CCDC149: variants seen among roughly 807,000 people sequenced by gnomAD.
CCDC149 encodes the protein coiled-coil domain-containing protein 149.
A neutral mutation model predicts 59.9 loss-of-function variants in CCDC149; 45 were observed. The ratio of observed to expected loss-of-function variants is 0.75; its 90% CI spans 0.59 to 0.96. The LOEUF (loss-of-function observed/expected upper bound fraction) is 0.96, where lower values mean the gene tolerates loss of function less well. CCDC149 is among the 40% of genes least tolerant of loss of function. The pLI, the probability that CCDC149 is intolerant of heterozygous loss-of-function variation, is 0.00. For synonymous variants in CCDC149, 245 were observed against 260.6 expected (o/e 0.94, Z 0.58); for missense variants, 584 against 664.7 (o/e 0.88, Z 1.33).
At chr4:24,857,497 G>A (rs1303481994) in intron 3 of CCDC149, among the ~76,000 whole-genome samples, 1 of 152,098 alleles carries the variant, frequency 6.6e-6, no homozygotes, top group African/African-American at 2.4e-5. Context: ...GCCTGGCCCT[G>A]GTCCTTGGGC....
intron 9 of CCDC149, among the ~76,000 whole-genome samples, chr4:24,825,229 A>T (rs1168521803): frequency 1.3e-5 from 2 of 152,198 alleles, no homozygotes; most frequent in Non-Finnish European, 2.9e-5. Context: ...GTCTGGTGGG[A>T]GACAGACCGA....
chr4:24,819,121 G>A (rs1457669702), intron 12 of CCDC149, among the ~76,000 whole-genome samples: 1 of 152,216 alleles, frequency 6.6e-6, no homozygotes, highest in Non-Finnish European at 1.5e-5. Context: ...ATCTGGTAAA[G>A]CAGGAGCTTT....
intron 4 of CCDC149, among the ~76,000 whole-genome samples, chr4:24,842,618 C>T (rs1038470890): frequency 3.9e-5 from 6 of 152,146 alleles, no homozygotes; most frequent in Admixed American, 6.6e-5. Flanking sequence ...GGGTGTGAGT[C>T]GTCAGCTTGC....
At chr4:24,958,238 G>C (rs927305689) in intron 1 of CCDC149, among the ~76,000 whole-genome samples, 3 of 152,182 alleles carry the variant, frequency 2.0e-5, no homozygotes, top group African/African-American at 7.2e-5. Flanking sequence ...ACCTTGAAGA[G>C]TCCAACTAGC....
downstream of CCDC149, among the ~76,000 whole-genome samples, chr4:24,803,765 C>T (rs1713991858): frequency 6.6e-6 from 1 of 152,186 alleles, no homozygotes; most frequent in Non-Finnish European, 1.5e-5. The surrounding 1 kb of genome is among the most constrained non-coding windows in gnomAD (Gnocchi z 4.3). Context: ...GAAAGTCAAA[C>T]TTTTCAATAT....
chr4:24,855,574 C>A (rs1234677053), intron 3 of CCDC149, among the ~76,000 whole-genome samples: 111 of 132,654 alleles, frequency 8.4e-4, no homozygotes, highest in Admixed American at 9.1e-4. Context: ...GACTCTGTCT[C>A]AAAAAAAAAA....
chr4:24,853,227 G>T, intron 3 of CCDC149, 48 bp from the exon 4 acceptor site: 1 of 1,371,778 alleles, frequency 7.3e-7, no homozygotes, highest in Non-Finnish European at 1.0e-6. Context: ...TGGAGGAGTG[G>T]ATGAATGCAG....
chr4:24,927,735 C>G (rs1249346378), intron 1 of CCDC149, among the ~76,000 whole-genome samples: 1 of 152,058 alleles, frequency 6.6e-6, no homozygotes, highest in Non-Finnish European at 1.5e-5. Flanking sequence ...CCTCCATCTC[C>G]AACATACACC....
intron 1 of CCDC149, among the ~76,000 whole-genome samples, chr4:24,979,615 A>T (rs1031713341): frequency 1.3e-5 from 2 of 152,212 alleles, no homozygotes; most frequent in Non-Finnish European, 2.9e-5. Context: ...CCTGGTTCCT[A>T]CAATTGAGCA....
intron 1 of CCDC149, among the ~76,000 whole-genome samples, chr4:24,882,364 A>G (rs1018854374): frequency 1.3e-5 from 2 of 152,254 alleles, no homozygotes; most frequent in African/African-American, 4.8e-5. Context: ...TTTGATCGCA[A>G]CAGGAGTTTT....
chr4:24,897,022 A>G (rs1720883529), intron 1 of CCDC149, among the ~76,000 whole-genome samples: 1 of 152,158 alleles, frequency 6.6e-6, no homozygotes, highest in Non-Finnish European at 1.5e-5. Flanking sequence ...CAGTTCCTTC[A>G]CTAGAGCAAC....
Position 24,837,363 on chromosome 4 carries a change from T to G in CCDC149, c.527A>C (p.Asp176Ala). The G allele has an allele frequency of 6.2e-7, 1 of 1,614,146 alleles. No homozygotes were observed. Among genetic ancestry groups the G allele is most frequent in the Non-Finnish European group, 8.5e-7 (1 of 1,180,020 alleles). Reference sequence around the variant, plus strand: ...TTCTTCTTTAACATCCTGAAGCTCGTCCACAGAAGCCTGCAGGTCGTGCTC... The same window carrying G: ...TTCTTCTTTAACATCCTGAAGCTCGGCCACAGAAGCCTGCAGGTCGTGCTC... The change falls in exon 6 of 13, where the codon GAC becomes GCC. Residue 176 changes from aspartate to alanine, a missense_variant. Physicochemically the swap from Asp to Ala is moderately radical, Grantham distance 126 (BLOSUM62 -2). Transcript: ENST00000635206. This position sits in a 1 kb window ranked among gnomAD's most constrained non-coding sequence, Gnocchi z 4.3.
intron 1 of CCDC149, among the ~76,000 whole-genome samples, chr4:24,978,277 T>C (rs1292782311): frequency 2.0e-5 from 3 of 152,222 alleles, no homozygotes; most frequent in African/African-American, 7.2e-5. Flanking sequence ...TTCACAGACT[T>C]GATTTTTTTA....
chr4:24,898,750 T>C (rs1360476542), intron 1 of CCDC149, among the ~76,000 whole-genome samples: 1 of 152,070 alleles, frequency 6.6e-6, no homozygotes, highest in Non-Finnish European at 1.5e-5. Flanking sequence ...GTACCACTCA[T>C]TGCCCAACCT....
At chr4:24,970,483 G>A (rs940890104) in intron 1 of CCDC149, among the ~76,000 whole-genome samples, 2 of 152,260 alleles carry the variant, frequency 1.3e-5, no homozygotes, top group African/African-American at 2.4e-5. Flanking sequence ...CTGGGGGGAC[G>A]TGTAGTACCT....
intron 1 of CCDC149, among the ~76,000 whole-genome samples, chr4:24,969,481 G>C (rs73804929): frequency 0.011 from 1,678 of 152,298 alleles, 31 homozygotes; most frequent in African/African-American, 0.039. Context: ...GGGATTCCAT[G>C]TGCCATACAT....
chr4:24,895,565 T>A (rs2109296057), intron 1 of CCDC149, among the ~76,000 whole-genome samples: 1 of 152,290 alleles, frequency 6.6e-6, no homozygotes, highest in East Asian at 1.9e-4. Context: ...CCAAGGCATT[T>A]CTCATCTCTA....
At chr4:24,877,833 C>A (rs1323892508) in intron 1 of CCDC149, among the ~76,000 whole-genome samples, 1 of 152,166 alleles carries the variant, frequency 6.6e-6, no homozygotes, top group East Asian at 1.9e-4. Flanking sequence ...CTAAGTCTGA[C>A]CCACCATACT....
chr4:24,860,777 G>A (rs1447492711), intron 3 of CCDC149, among the ~76,000 whole-genome samples: 2 of 151,976 alleles, frequency 1.3e-5, no homozygotes, highest in African/African-American at 4.8e-5. Context: ...CATTAGAAAA[G>A]GTAGATAAGA....
Sources: allele counts gnomAD v4.1 joint callset (sites outside exome capture counted in the v4.1 genomes callset), GRCh38; gene constraint gnomAD v4.1.1; non-coding constraint Gnocchi (gnomAD v3.1); transcripts MANE v1.5; gene names NCBI Gene and HGNC (gene_info 2026-07-23, HGNC 2026-07-21).